Variants in SHISA6 observed in about 807,000 individuals in gnomAD.
SHISA6 encodes protein shisa-6.
Under a neutral mutation model 47.9 loss-of-function variants are expected in SHISA6, and 22 were observed. The ratio of observed to expected loss-of-function variants is 0.46; its 90% CI spans 0.33 to 0.66. The LOEUF is 0.66. Among genes scored for constraint, SHISA6 ranks in the 30% least tolerant of loss-of-function variants. The probability of loss-of-function intolerance (pLI) is 0.02; values close to 1 mark genes in which losing one functional copy is unlikely to be tolerated. For synonymous variants in SHISA6, 388 were observed against 337.8 expected (o/e 1.15, Z -1.63); for missense variants, 680 against 764.6 (o/e 0.89, Z 1.30).
At chr17:11,362,859 T>C (rs1912333127) in intron 2 of SHISA6, among the ~76,000 whole-genome samples, 1 of 152,252 alleles carries the variant, frequency 6.6e-6, no homozygotes, top group Non-Finnish European at 1.5e-5. Context: ...GGTTTTAGCC[T>C]GACTTTCTTT....
chr17:11,277,309 CACACACACA>C (rs1908956699), intron 2 of SHISA6, among the ~76,000 whole-genome samples: 1 of 150,930 alleles, frequency 6.6e-6, no homozygotes, highest in African/African-American at 2.4e-5. Context: ...CACACACACA[CACACACACA>C]CCCCGCATGT....
At chr17:11,419,343 TA>T (rs34164165) in intron 3 of SHISA6, among the ~76,000 whole-genome samples, 7,365 of 149,598 alleles carry the variant, frequency 0.049, 244 homozygotes, top group African/African-American at 0.078. Flanking sequence ...TACAGAAAAT[TA>T]AAAAAAAAAT....
rs542521726 is a variant in SHISA6 at position 11,524,362 on chromosome 17, C to G, written c.896-27534C>G. Among the ~76,000 whole-genome samples the G allele has an allele frequency of 3.9e-3, 599 of 151,870 alleles. 5 individuals are homozygous for G. Among genetic ancestry groups the G allele is most frequent in the African/African-American group, 0.014 (560 of 41,398 alleles). The stretch of plus-strand genomic sequence containing the variant: ...GTCCATAATTATGAAAGAAAGTGTC[C>G]CAGAAGAGGTAGATTGAACTCATAG... On this transcript the variant is annotated intron_variant, in intron 3 of 5. Coordinates refer to ENST00000441885, the MANE Select transcript of SHISA6 (RefSeq NM_207386.4).
chr17:11,387,956 T>C (rs910484508), intron 3 of SHISA6, among the ~76,000 whole-genome samples: 1 of 152,176 alleles, frequency 6.6e-6, no homozygotes, highest in Non-Finnish European at 1.5e-5. Context: ...GTGCTGCTCA[T>C]GGCCTCATGT....
In SHISA6 at chr17:11,542,077, C is replaced by T. The variant is rs144618796; in HGVS notation, c.896-9819C>T. 7.2e-5 allele frequency among the ~76,000 whole-genome samples: 11 copies of T among 152,270 alleles called. No homozygotes were observed. The East Asian group carries it at 1.9e-3, about 27-fold the overall frequency. ...GTAAGAACAGTGAGGGGTTTATTAG[C>T]TCTAGACATTCTTGCCCAGAGCTGC... On this transcript the variant is annotated intron_variant, in intron 3 of 5. Coordinates refer to ENST00000441885, the MANE Select transcript of SHISA6 (RefSeq NM_207386.4).
intron 3 of SHISA6, among the ~76,000 whole-genome samples, chr17:11,409,388 A>G (rs1914050737): frequency 6.6e-6 from 1 of 152,166 alleles, no homozygotes; most frequent in African/African-American, 2.4e-5. Context: ...ATTCTAGTTC[A>G]TGGGGCTCTT....
intron 3 of SHISA6, among the ~76,000 whole-genome samples, chr17:11,409,113 T>G (rs562223119): frequency 3.8e-4 from 58 of 152,204 alleles, no homozygotes; most frequent in Admixed American, 4.6e-4. Context: ...ATAAAATTAC[T>G]TACTAGATCC....
At chr17:11,528,599 G>A (rs1412650232) in intron 3 of SHISA6, among the ~76,000 whole-genome samples, 1 of 152,152 alleles carries the variant, frequency 6.6e-6, no homozygotes, top group East Asian at 1.9e-4. Context: ...GGTCCACAGA[G>A]AAAGCACTGA....
chr17:11,288,519 C>A (rs1909404986), intron 2 of SHISA6: 1 of 152,152 alleles, frequency 6.6e-6, no homozygotes. Flanking sequence ...ATAGCCACTG[C>A]ACTCCAGCCT....
intron 2 of SHISA6, among the ~76,000 whole-genome samples, chr17:11,284,268 A>C (rs1317382327): frequency 6.6e-6 from 1 of 152,158 alleles, no homozygotes; most frequent in Non-Finnish European, 1.5e-5. Context: ...GTCCCAAAGT[A>C]GGCAATTTCT....
chr17:11,321,700 G>T (rs957584408), intron 2 of SHISA6, among the ~76,000 whole-genome samples: 1 of 151,976 alleles, frequency 6.6e-6, no homozygotes, highest in Non-Finnish European at 1.5e-5. Flanking sequence ...TCCTTTTCAG[G>T]CTAATCAAGT....
rs566394123 is a variant in SHISA6 at position 11,341,087 on chromosome 17, C to T, written c.800-38327C>T. 4.1e-4 allele frequency among the ~76,000 whole-genome samples: 63 copies of T among 152,298 alleles called. 1 individual carries two copies. Among genetic ancestry groups the T allele is most frequent in the African/African-American group, 1.4e-3 (59 of 41,568 alleles). ...CTGCCCCACCTTCTGAAGAAAAGTT[C>T]TGTTGGTCAATCTCTGGCTGAGATG... On this transcript the variant is annotated intron_variant, in intron 2 of 5. Transcript: ENST00000441885.
chr17:11,385,729 C>A (rs1442645818), intron 3 of SHISA6, among the ~76,000 whole-genome samples: 1 of 151,840 alleles, frequency 6.6e-6, no homozygotes, highest in East Asian at 1.9e-4. Flanking sequence ...CCATAGGGCA[C>A]CCCAACAGGG....
intron 3 of SHISA6, among the ~76,000 whole-genome samples, chr17:11,403,936 T>A (rs1913860941): frequency 1.3e-5 from 2 of 152,118 alleles, no homozygotes; most frequent in South Asian, 2.1e-4. Context: ...GGATGCCCCA[T>A]GGAATAGAGG....
At chr17:11,430,347 A>G (rs905562703) in intron 3 of SHISA6, among the ~76,000 whole-genome samples, 1 of 152,124 alleles carries the variant, frequency 6.6e-6, no homozygotes, top group Non-Finnish European at 1.5e-5. Context: ...TCCAGGATCA[A>G]GTGTTTTACC....
intron 3 of SHISA6, among the ~76,000 whole-genome samples, chr17:11,413,436 C>G (rs969507861): frequency 1.3e-5 from 2 of 152,198 alleles, no homozygotes; most frequent in African/African-American, 4.8e-5. Context: ...AAAGCCAGAA[C>G]AGAGGGAGGA....
chr17:11,271,740 G>A (rs141931099), intron 2 of SHISA6, among the ~76,000 whole-genome samples: 3 of 151,716 alleles, frequency 2.0e-5, no homozygotes, highest in East Asian at 2.0e-4. Flanking sequence ...GATTACAGGC[G>A]TGAGCCACCA....
At chr17:11,517,212 A>C (rs574278951) in intron 3 of SHISA6, among the ~76,000 whole-genome samples, 1 of 152,308 alleles carries the variant, frequency 6.6e-6, no homozygotes, top group East Asian at 1.9e-4. Flanking sequence ...TGAGGGTTTC[A>C]TTCTTTAAAG....
rs1453726935 is a variant in SHISA6 at position 11,392,258 on chromosome 17, T to C, written c.895+12749T>C. 2.0e-5 allele frequency among the ~76,000 whole-genome samples: 3 copies of C among 152,264 alleles called. No individual in the cohort carries two copies. The East Asian group carries it at 5.8e-4, about 29-fold the overall frequency. ...TAAGAGCAGTTGAACGCCTGAGCCC[T>C]GAATCCATTTAACCAAAATAGATAG... On this transcript the variant is annotated intron_variant, in intron 3 of 5. Transcript: ENST00000441885.
Sources: allele counts gnomAD v4.1 joint callset (sites outside exome capture counted in the v4.1 genomes callset), GRCh38; gene constraint gnomAD v4.1.1; transcripts MANE v1.5; gene names NCBI Gene and HGNC (gene_info 2026-07-23, HGNC 2026-07-21).